PARP14: variants seen among roughly 807,000 people sequenced by gnomAD.
PARP14 encodes the protein poly(ADP-ribose) polymerase family member 14.
In PARP14, 59 loss-of-function variants were observed where a neutral mutation model predicts 154.2. The ratio of observed to expected loss-of-function variants is 0.38; its 90% confidence interval spans 0.31 to 0.48. PARP14 has a LOEUF of 0.48. PARP14 is among the 20% of genes least tolerant of loss of function. The pLI, the probability that PARP14 is intolerant of heterozygous loss-of-function variation, is 0.98. For missense variants in PARP14, 1,734 were observed against 2,131.6 expected (o/e 0.81, Z 3.67); for synonymous variants, 720 against 780.5 (o/e 0.92, Z 1.29).
intron 8 of PARP14, among the ~76,000 whole-genome samples, chr3:122,705,142 T>C (rs988004064): frequency 2.5e-4 from 38 of 152,234 alleles, no homozygotes; most frequent in African/African-American, 9.2e-4. Context: ...ATTCAACATT[T>C]ATTTTAAACA....
intron 3 of PARP14, among the ~76,000 whole-genome samples, chr3:122,691,462 C>A (rs541887218): frequency 9.8e-5 from 15 of 152,304 alleles, no homozygotes; most frequent in South Asian, 2.1e-4. Flanking sequence ...ATACAGCAGG[C>A]CTTGGCCATT....
At position 122,728,675 on chromosome 3, in the gene PARP14, TA is replaced by T; in HGVS notation, c.*80del. The T allele has an allele frequency of 1.8e-6, 2 of 1,097,208 alleles. No homozygotes were observed. The highest frequency in any genetic ancestry group is 2.7e-6 in the Non-Finnish European group (2 of 754,170). The allele number at this position is 1,097,208 out of a possible 1,614,324, so 68.0% of individuals were successfully genotyped here. A position where few individuals can be genotyped will look rare whatever the true frequency, so the allele number is the denominator to read the frequency against. ...TAAAACAAGTTTTAGCTTTTTTTTT[TA>T]ATTCCTCTTAACAGATTTTTCTAAT... is the stretch of plus-strand genomic sequence containing the variant. On this transcript the variant is annotated 3_prime_UTR_variant, in exon 17 of 17. Transcript: ENST00000474629.
At chr3:122,702,895 T>C (rs1939020495) in intron 6 of PARP14, among the ~76,000 whole-genome samples, 1 of 148,418 alleles carries the variant, frequency 6.7e-6, no homozygotes, top group Non-Finnish European at 1.5e-5. Flanking sequence ...AATGCTGAGG[T>C]GGGAGGATCA....
Position 122,701,239 on chromosome 3 carries a change from C to T in PARP14, c.2685C>T (p.Tyr895=). The part of the protein sequence containing the change: ...WSGYEAPRCV[Y]LLRRAVQLSL... ...GATATGAGGCCCCGAGGTGTGTGTA[C>T]CTATTAAGGAGAGCTGTGCAACTCA... The change falls in exon 6 of 17, where the codon TAC becomes TAT. Residue 895 remains tyrosine, a synonymous_variant. Coordinates refer to ENST00000474629, the MANE Select transcript of PARP14 (RefSeq NM_017554.3). The surrounding 1 kb of genome is among the most constrained non-coding windows in gnomAD (Gnocchi z 4.0). 1.9e-6 allele frequency: 3 copies of T among 1,613,618 alleles called. No individual in the cohort carries two copies. The highest frequency in any genetic ancestry group is 2.5e-6 in the Non-Finnish European group (3 of 1,179,700).
intron 9 of PARP14, among the ~76,000 whole-genome samples, chr3:122,708,588 C>T (rs576885960): frequency 6.6e-6 from 1 of 152,310 alleles, no homozygotes; most frequent in South Asian, 2.1e-4. Flanking sequence ...AAATCTTTCA[C>T]CTTTGTCAAA....
chr3:122,720,645 C>A, intron 15 of PARP14: 1 of 518,600 alleles, frequency 1.9e-6, no homozygotes. Flanking sequence ...GTGAAGCAAG[C>A]TAATACAAAT....
At chr3:122,712,240 C>CTTTTTTT (rs55876947) in intron 9 of PARP14, among the ~76,000 whole-genome samples, 5 of 138,358 alleles carry the variant, frequency 3.6e-5, no homozygotes, top group Non-Finnish European at 6.3e-5. Context: ...GGATTCACAT[C>CTTTTTTT]TTTTTTTTTT....
rs749721885 is a variant in PARP14 at position 122,700,237 on chromosome 3, A to G, written c.1683A>G (p.Ala561=). ...WKEFSKCLFI[A]QKILALYELE... ...AATTCTCTAAGTGTCTTTTCATAGC[A>G]CAGAAGATTCTTGCACTTTATGAGC... is the stretch of plus-strand genomic sequence containing the variant. Residue 561 remains alanine, a synonymous_variant, in exon 6 of 17, where the codon GCA becomes GCG. Coordinates refer to ENST00000474629, the MANE Select transcript of PARP14 (RefSeq NM_017554.3). 3.7e-6 allele frequency: 6 copies of G among 1,612,118 alleles called. No homozygotes were observed. The highest frequency in any genetic ancestry group is 1.7e-6 in the Non-Finnish European group (2 of 1,178,876).
rs375464875 is a variant in PARP14, at chr3:122,728,463, C to A, written c.5272C>A (p.Pro1758Thr). The change falls in exon 17 of 17, where the codon CCT becomes ACT. Residue 1758 changes from proline to threonine, a missense_variant. Transcript: ENST00000474629. ...YTHGNHSLIV[P>T]PSKNPQNPTD... ...ACATGGAAATCATTCATTAATTGTGCCTCCTTCAAAGAACCCTCAAAATCC... is the reference window on the plus strand; with the variant it reads ...ACATGGAAATCATTCATTAATTGTGACTCCTTCAAAGAACCCTCAAAATCC... 1 of 1,613,688 alleles carries A rather than the reference C, an allele frequency of 6.2e-7. No homozygotes were observed. The highest frequency in any genetic ancestry group is 8.5e-7 in the Non-Finnish European group (1 of 1,179,768).
rs2107635993 is a variant in PARP14, at chr3:122,685,967, G to A, written c.321+649G>A. On this transcript the variant is annotated intron_variant, in intron 2 of 16. Transcript: ENST00000474629. ...GTTTTATTTTCTATGTCATTTTGAG[G>A]AGACAGCAATCCATACTACCTGTAT... Among the ~76,000 whole-genome samples, 6 of 152,100 alleles carry A rather than the reference G, an allele frequency of 3.9e-5. 1 individual carries two copies. In the Middle Eastern group the frequency reaches 0.017, roughly 431 times the overall value.
chr3:122,726,802 A>T (rs1419565770), intron 15 of PARP14, among the ~76,000 whole-genome samples: 5 of 152,040 alleles, frequency 3.3e-5, no homozygotes, highest in African/African-American at 9.7e-5. Context: ...GGCTTTAAAA[A>T]TGAGTAAGAT....
At chr3:122,707,167 C>T (rs1194316563) in intron 8 of PARP14, among the ~76,000 whole-genome samples, 4 of 151,988 alleles carry the variant, frequency 2.6e-5, no homozygotes, top group Non-Finnish European at 4.4e-5. Context: ...GCCTGTAATC[C>T]CAGCACCTTG....
Position 122,700,058 on chromosome 3 carries a change from G to A in PARP14, c.1504G>A (p.Asp502Asn), listed in dbSNP as rs767621778. 3.5e-5 allele frequency: 56 copies of A among 1,613,878 alleles called. No homozygotes were observed. The East Asian group carries it at 1.0e-3, about 30-fold the overall frequency. ...GTGCCCAGAGATAGAGATTTGTTAC[G>A]ATAGAGTCACTCAACACTTGTGCTT... The part of the protein sequence containing the change: ...TECPEIEICY[D>N]RVTQHLCLKG... The change falls in exon 6 of 17, where the codon GAT becomes AAT. Residue 502 changes from aspartate (D) to asparagine (N), a missense_variant. By Grantham distance (23) the Asp-to-Asn change is conservative. Transcript: ENST00000474629.
intron 9 of PARP14, among the ~76,000 whole-genome samples, chr3:122,710,146 A>G (rs1464135301): frequency 6.6e-6 from 1 of 152,048 alleles, no homozygotes; most frequent in African/African-American, 2.4e-5. Context: ...GTCAATGTCC[A>G]GAAGAGTTTT....
intron 1 of PARP14, chr3:122,683,323 A>G: frequency 1.0e-6 from 1 of 980,936 alleles, no homozygotes; most frequent in African/African-American, 1.7e-5. Context: ...CCATAGCATA[A>G]CCTGATTTGA....
chr3:122,699,464 T>C lies in PARP14; in HGVS notation c.910T>C (p.Leu304=), dbSNP rs1249907487. Residue 304 remains leucine, a synonymous_variant, in exon 6 of 17, where the codon TTG becomes CTG. Coordinates refer to ENST00000474629, the MANE Select transcript of PARP14 (RefSeq NM_017554.3). The part of the protein sequence containing the change: ...PLSVFPYYAS[L]GTALYGKEKP... ...TTCTGTGTTCCCATACTATGCCTCA[T>C]TGGGCACAGCCTTGTATGGAAAGGA... 10 of 1,613,882 alleles carry C rather than the reference T, an allele frequency of 6.2e-6. No homozygotes were observed. The highest frequency in any genetic ancestry group is 5.5e-5 in the South Asian group (5 of 91,084).
At chr3:122,702,627 T>A (rs1302638430) in intron 6 of PARP14, among the ~76,000 whole-genome samples, 5 of 152,016 alleles carry the variant, frequency 3.3e-5, no homozygotes, top group Non-Finnish European at 7.4e-5. Context: ...CTTAAAGGGG[T>A]TAGGTAATTT....
At chr3:122,695,390 T>C (rs1938739880) in intron 4 of PARP14, 36 bp from the exon 5 acceptor site, 3 of 1,036,034 alleles carry the variant, frequency 2.9e-6, no homozygotes. Flanking sequence ...CAATAAAAAT[T>C]TACTGATTTT....
At chr3:122,691,063 A>G (rs532202932) in intron 3 of PARP14, among the ~76,000 whole-genome samples, 1 of 152,340 alleles carries the variant, frequency 6.6e-6, no homozygotes, top group South Asian at 2.1e-4. Flanking sequence ...CTGCAGGGAC[A>G]CTACTGTTGA....
Sources: allele counts gnomAD v4.1 joint callset (sites outside exome capture counted in the v4.1 genomes callset), GRCh38; gene constraint gnomAD v4.1.1; non-coding constraint Gnocchi (gnomAD v3.1); transcripts MANE v1.5; gene names NCBI Gene and HGNC (gene_info 2026-07-23, HGNC 2026-07-21).